DNAL1: variants seen among roughly 807,000 people sequenced by gnomAD.
DNAL1 encodes the protein chromosome 14 open reading frame 168.
In DNAL1, 17 loss-of-function variants were observed where a neutral mutation model predicts 29.4. The ratio of observed to expected loss-of-function variants is 0.58; its 90% CI spans 0.40 to 0.87. The LOEUF (loss-of-function observed/expected upper bound fraction) is 0.87, where lower values mean the gene tolerates loss of function less well. Among genes scored for constraint, DNAL1 ranks in the 40% least tolerant of loss-of-function variants. The probability of loss-of-function intolerance (pLI) is 0.00; values close to 1 mark genes in which losing one functional copy is unlikely to be tolerated. For missense variants in DNAL1, 188 were observed against 214.1 expected, an observed-to-expected ratio of 0.88 and a Z score of 0.76; for synonymous variants, 78 against 76.3, an observed-to-expected ratio of 1.02 and a Z score of -0.12.
intron 5 of DNAL1, among the ~76,000 whole-genome samples, 192 bp from the exon 6 acceptor site, chr14:73,687,067 G>A (rs77969612): frequency 0.011 from 1,559 of 147,676 alleles, 25 homozygotes; most frequent in African/African-American, 0.037. Flanking sequence ...TTAGTTTGAA[G>A]AAGGGAATGG....
At chr14:73,693,321 C>G (rs1892221094) in intron 7 of DNAL1, among the ~76,000 whole-genome samples, 1 of 152,134 alleles carries the variant, frequency 6.6e-6, no homozygotes, top group Non-Finnish European at 1.5e-5. Flanking sequence ...TCCCTCCTAA[C>G]TACATACCCC....
intron 1 of DNAL1, among the ~76,000 whole-genome samples, chr14:73,652,567 T>A (rs941891292): frequency 6.6e-6 from 1 of 152,156 alleles, no homozygotes; most frequent in Admixed American, 6.6e-5. Flanking sequence ...TGAACCACCA[T>A]GCCTGGCTCA....
At chr14:73,666,872 CCTGT>C (rs1891495402) in intron 4 of DNAL1, among the ~76,000 whole-genome samples, 1 of 152,068 alleles carries the variant, frequency 6.6e-6, no homozygotes, top group Non-Finnish European at 1.5e-5. Flanking sequence ...TTGATTTCCT[CCTGT>C]CTTTTTGGCC....
chr14:73,648,451 CA>C (rs1891033914), intron 1 of DNAL1, among the ~76,000 whole-genome samples: 1 of 89,822 alleles, frequency 1.1e-5, no homozygotes, highest in African/African-American at 5.8e-5. Context: ...TTTGGGGGGA[CA>C]AGATCTTGCT....
chr14:73,667,543 G>C (rs1891514974), intron 4 of DNAL1, among the ~76,000 whole-genome samples: 2 of 152,154 alleles, frequency 1.3e-5, no homozygotes, highest in South Asian at 4.1e-4. Flanking sequence ...CTGTCACCCA[G>C]GCTGGAGTGC....
intron 5 of DNAL1, chr14:73,672,896 C>T (rs930247572): frequency 6.6e-6 from 1 of 151,460 alleles, no homozygotes; most frequent in East Asian, 2.0e-4. Flanking sequence ...GCTGGGACTA[C>T]AGGCGCCCAC....
intron 1 of DNAL1, 25 bp downstream of exon 1, chr14:73,645,067 C>G (rs1230324077): frequency 6.2e-7 from 1 of 1,606,398 alleles, no homozygotes; most frequent in African/African-American, 1.3e-5. Flanking sequence ...GGCCGCGTAG[C>G]CAAAGCTGAG....
chr14:73,694,489 T>G (rs2140065844), intron 7 of DNAL1, among the ~76,000 whole-genome samples: 1 of 151,894 alleles, frequency 6.6e-6, no homozygotes, highest in East Asian at 1.9e-4. Context: ...AAAGCTCAGA[T>G]GGGTGGCCGT....
intron 7 of DNAL1, among the ~76,000 whole-genome samples, chr14:73,694,881 G>A (rs1892266441): frequency 6.6e-6 from 1 of 151,776 alleles, no homozygotes; most frequent in South Asian, 2.1e-4. Flanking sequence ...TAGAGATGGG[G>A]TTTCACCATG....
chr14:73,688,906 A>G (rs905538126), intron 6 of DNAL1, among the ~76,000 whole-genome samples: 2 of 151,886 alleles, frequency 1.3e-5, no homozygotes, highest in African/African-American at 4.8e-5. Flanking sequence ...ATGACTTTAT[A>G]TGGTATAACT....
chr14:73,685,437 T>C (rs1223429811), intron 5 of DNAL1, among the ~76,000 whole-genome samples: 1 of 152,088 alleles, frequency 6.6e-6, no homozygotes, highest in African/African-American at 2.4e-5. Flanking sequence ...TTGTAGCGTG[T>C]GTCAGAATTT....
intron 4 of DNAL1, among the ~76,000 whole-genome samples, chr14:73,669,743 A>C (rs1891573919): frequency 6.6e-5 from 10 of 152,106 alleles, no homozygotes; most frequent in Admixed American, 6.6e-4. Context: ...TTACCTCTTT[A>C]CAGGCTCTGT....
intron 4 of DNAL1, among the ~76,000 whole-genome samples, chr14:73,663,870 C>T (rs1013833062): frequency 9.8e-5 from 15 of 152,332 alleles, no homozygotes; most frequent in Admixed American, 9.8e-4. Flanking sequence ...ACCTCTGTAG[C>T]TGTTTGAGTA....
intron 5 of DNAL1, 100 bp downstream of exon 5, chr14:73,671,697 G>C (rs1891619512): frequency 8.1e-7 from 1 of 1,238,466 alleles, no homozygotes; most frequent in African/African-American, 1.6e-5. Context: ...AGGTCAAAAG[G>C]TATCAGTTTC....
chr14:73,693,331 CAA>C lies in DNAL1; in HGVS notation c.533-2569_533-2568del, dbSNP rs1288439257. ...CAATTTCCCTCCTAACTACATACCC[CAA>C]AGAAAAGGGTGTGAATGTTTACCAA... is the stretch of plus-strand genomic sequence containing the variant. On this transcript the variant is annotated intron_variant, in intron 7 of 7. Transcript: ENST00000553645. 4.2e-4 allele frequency among the ~76,000 whole-genome samples: 64 copies of C among 152,144 alleles called. No individual in the cohort carries two copies. In the East Asian group the frequency reaches 0.011, roughly 27 times the overall value.
At chr14:73,679,905 G>A (rs1212438817) in intron 5 of DNAL1, among the ~76,000 whole-genome samples, 1 of 150,040 alleles carries the variant, frequency 6.7e-6, no homozygotes, top group Non-Finnish European at 1.5e-5. Context: ...TAATTGGTTA[G>A]CCATTTATTG....
chr14:73,666,994 C>T (rs1314358241), intron 4 of DNAL1, among the ~76,000 whole-genome samples: 1 of 151,238 alleles, frequency 6.6e-6, no homozygotes, highest in Non-Finnish European at 1.5e-5. Context: ...TAGATTATCT[C>T]ATCTAGAGTC....
At chr14:73,655,260 T>C (rs1891190475) in intron 2 of DNAL1, among the ~76,000 whole-genome samples, 1 of 152,142 alleles carries the variant, frequency 6.6e-6, no homozygotes, top group Non-Finnish European at 1.5e-5. Context: ...CACTGGAAGA[T>C]TTAAATATGG....
chr14:73,672,008 C>T (rs1044534120), intron 5 of DNAL1, among the ~76,000 whole-genome samples: 1 of 152,112 alleles, frequency 6.6e-6, no homozygotes, highest in Non-Finnish European at 1.5e-5. Flanking sequence ...CATAAACATA[C>T]TGAAATTTTG....
Sources: gnomAD v4.1 joint callset for allele counts (sites outside exome capture counted in the v4.1 genomes callset) on GRCh38, gnomAD v4.1.1 for gene constraint, MANE v1.5 for transcripts, NCBI Gene and HGNC (gene_info 2026-07-23, HGNC 2026-07-21) for gene names.